Variants in ESR1 observed in about 807,000 individuals in gnomAD.
ESR1 encodes the protein estrogen receptor 1.
Under a neutral mutation model 52.7 loss-of-function variants are expected in ESR1, and 12 were observed. That is an observed-to-expected ratio of 0.23 (90% CI 0.15 to 0.37). The LOEUF is 0.37. ESR1 is among the 10% of genes least tolerant of loss of function. The pLI, the probability that ESR1 is intolerant of heterozygous loss-of-function variation, is 1.00. For synonymous variants in ESR1, 305 were observed against 316.8 expected (o/e 0.96, Z 0.39); for missense variants, 584 against 779.7 (o/e 0.75, Z 2.99).
intron 2 of ESR1, among the ~76,000 whole-genome samples, chr6:151,863,583 C>CT (rs1789286640): frequency 6.6e-6 from 1 of 152,168 alleles, no homozygotes; most frequent in Non-Finnish European, 1.5e-5. Context: ...ATCATGTCAT[C>CT]TGCAAACAGG....
chr6:152,007,201 G>A (rs1272330900), intron 4 of ESR1, among the ~76,000 whole-genome samples: 2 of 152,008 alleles, frequency 1.3e-5, no homozygotes, highest in Non-Finnish European at 2.9e-5. Context: ...CGCAAATTAG[G>A]CAATTTGTAA....
intron 3 of ESR1, among the ~76,000 whole-genome samples, chr6:151,905,253 T>G (rs911335417): frequency 2.6e-5 from 4 of 152,186 alleles, no homozygotes; most frequent in Non-Finnish European, 5.9e-5. Flanking sequence ...CTGAAACTCC[T>G]TTTAAAAACA....
intron 2 of ESR1, among the ~76,000 whole-genome samples, chr6:151,860,776 T>C (rs1238652399): frequency 1.3e-5 from 2 of 152,350 alleles, no homozygotes; most frequent in East Asian, 3.9e-4. Context: ...GATTTACAAT[T>C]GACTGTATAA....
chr6:151,879,278 A>C (rs371106387), intron 2 of ESR1, among the ~76,000 whole-genome samples: 1 of 152,184 alleles, frequency 6.6e-6, no homozygotes, highest in African/African-American at 2.4e-5. Context: ...GTTATGTAGG[A>C]TGTGGACTGA....
chr6:151,865,163 A>G (rs1208230254), intron 2 of ESR1, among the ~76,000 whole-genome samples: 1 of 152,146 alleles, frequency 6.6e-6, no homozygotes, highest in East Asian at 1.9e-4. Context: ...AAAATTACAT[A>G]TGTACACACA....
chr6:152,083,090 C>A lies in ESR1; in HGVS notation c.1370-11295C>A, dbSNP rs556399855. On this transcript the variant is annotated intron_variant, in intron 6 of 7. Transcript: ENST00000206249. ...TCCCCATCAAGCTACCATTGACTTT[C>A]TTCACAGACTTGGAAAAAAACTACT... Among the ~76,000 whole-genome samples the A allele has an allele frequency of 2.1e-5, 3 of 145,186 alleles. No individual in the cohort carries two copies. The East Asian group carries it at 6.4e-4, about 31-fold the overall frequency.
intron 3 of ESR1, among the ~76,000 whole-genome samples, chr6:151,893,756 TGCTTAAGGAG>T (rs1383423442): frequency 6.6e-6 from 1 of 152,196 alleles, no homozygotes; most frequent in Non-Finnish European, 1.5e-5. Context: ...ATGTGATCTG[TGCTTAAGGAG>T]GCTGCTGGAG....
intron 6 of ESR1, among the ~76,000 whole-genome samples, chr6:152,084,300 A>G (rs554241246): frequency 1.4e-4 from 21 of 152,258 alleles, no homozygotes; most frequent in African/African-American, 5.1e-4. Flanking sequence ...GAGGGATAGC[A>G]TTAGGAGAAA....
chr6:151,728,936 C>T (rs1782041450), intron 2 of ESR1, among the ~76,000 whole-genome samples: 1 of 152,146 alleles, frequency 6.6e-6, no homozygotes, highest in Non-Finnish European at 1.5e-5. Flanking sequence ...GTAGATAAAA[C>T]CTAATTTTTT....
chr6:151,737,046 A>G (rs1209917527), intron 2 of ESR1, among the ~76,000 whole-genome samples: 1 of 152,230 alleles, frequency 6.6e-6, no homozygotes, highest in African/African-American at 2.4e-5. Context: ...CTTATAAAAA[A>G]TGAAAATGCT....
At chr6:151,687,779 T>C (rs989277854), upstream of ESR1, among the ~76,000 whole-genome samples, 1 of 152,196 alleles carries the variant, frequency 6.6e-6, no homozygotes, top group East Asian at 1.9e-4. Context: ...TAATAAACAA[T>C]GTGACACTAC....
rs2152496528 is a variant in ESR1 at position 152,094,525 on chromosome 6, C to T, written c.1510C>T (p.Leu504=). The T allele has an allele frequency of 1.2e-6, 2 of 1,614,166 alleles. No homozygotes were observed. Among genetic ancestry groups the T allele is most frequent in the South Asian group, 1.1e-5 (1 of 91,086 alleles). ...GACCCTGCAGCAGCAGCACCAGCGG[C>T]TGGCCCAGCTCCTCCTCATCCTCTC... The part of the protein sequence containing the change: ...GLTLQQQHQR[L]AQLLLILSHI... Residue 504 remains leucine (L), a synonymous_variant, in exon 7 of 8, where the codon CTG becomes TTG. Transcript: ENST00000206249. This position sits in a 1 kb window ranked among gnomAD's most constrained non-coding sequence, Gnocchi z 4.6.
At position 151,807,760 on chromosome 6, in the gene ESR1, G is replaced by C. The variant is rs1778116600; in HGVS notation, c.-153G>C. On this transcript the variant is annotated 5_prime_UTR_variant, in exon 1 of 8. Coordinates refer to ENST00000206249, the MANE Select transcript of ESR1 (RefSeq NM_000125.4). The stretch of plus-strand genomic sequence containing the variant: ...GGCTTCACCGGACCCGCAGGCTCCC[G>C]GGGCAGGGCCGGGGCCAGAGCTCGC... The C allele has an allele frequency of 1.3e-6, 1 of 781,100 alleles. No homozygotes were observed. 48.4% of individuals were successfully genotyped at this position (781,100 alleles called of 1,614,324 possible). A position where few individuals can be genotyped will look rare whatever the true frequency, so the allele number is the denominator to read the frequency against.
chr6:151,987,283 G>A (rs1291689594), intron 4 of ESR1, among the ~76,000 whole-genome samples: 1 of 151,996 alleles, frequency 6.6e-6, no homozygotes, highest in East Asian at 1.9e-4. Flanking sequence ...TTTTGAGACA[G>A]AGTCTTGCTC....
At chr6:151,728,787 C>T (rs776944447) in intron 2 of ESR1, among the ~76,000 whole-genome samples, 49 of 152,160 alleles carry the variant, frequency 3.2e-4, no homozygotes, top group Non-Finnish European at 6.9e-4. Context: ...GCCTAGAAAA[C>T]ACCATAGAAA....
At chr6:151,945,848 G>A (rs1303225698) in intron 4 of ESR1, among the ~76,000 whole-genome samples, 1 of 152,188 alleles carries the variant, frequency 6.6e-6, no homozygotes, top group Non-Finnish European at 1.5e-5. Flanking sequence ...ATATAAACAT[G>A]TGGGCCGTAG....
chr6:151,903,487 T>C (rs1218154225), intron 3 of ESR1, among the ~76,000 whole-genome samples: 2 of 152,232 alleles, frequency 1.3e-5, no homozygotes, highest in East Asian at 1.9e-4. Context: ...CTCTGCCCTC[T>C]ACCTCACCTC....
chr6:151,925,824 AT>A (rs777297339), intron 3 of ESR1, among the ~76,000 whole-genome samples: 8 of 151,470 alleles, frequency 5.3e-5, no homozygotes, highest in African/African-American at 9.7e-5. Context: ...CAATTTATTA[AT>A]TTTTTTCTTC....
At chr6:152,030,281 A>C (rs1048067424) in intron 5 of ESR1, among the ~76,000 whole-genome samples, 1 of 152,206 alleles carries the variant, frequency 6.6e-6, no homozygotes, top group Non-Finnish European at 1.5e-5. Flanking sequence ...AAATTCACAC[A>C]TAACAATATT....
Sources: gnomAD v4.1 joint callset for allele counts (sites outside exome capture counted in the v4.1 genomes callset) on GRCh38, gnomAD v4.1.1 for gene constraint, Gnocchi (gnomAD v3.1) non-coding constraint, MANE v1.5 for transcripts, NCBI Gene and HGNC (gene_info 2026-07-23, HGNC 2026-07-21) for gene names.